Variants in CLIC5 observed in about 807,000 individuals in gnomAD.
The protein encoded by CLIC5 is CLIC family member 5, also known as chloride intracellular channel protein 5.
In CLIC5, 20 loss-of-function variants were observed where a neutral mutation model predicts 24.7. The observed-to-expected ratio is 0.81, with a 90% confidence interval of 0.57 to 1.18. The LOEUF is 1.18. Among genes scored for constraint, CLIC5 ranks in the 50% most tolerant of loss-of-function variants. The pLI is 0.00. For missense variants in CLIC5, 341 were observed against 326.1 expected (o/e 1.05, Z -0.35); for synonymous variants, 159 against 135.6 (o/e 1.17, Z -1.20).
At chr6:46,045,102 A>G (rs921887817) in intron 1 of CLIC5, among the ~76,000 whole-genome samples, 1 of 152,136 alleles carries the variant, frequency 6.6e-6, no homozygotes, top group Non-Finnish European at 1.5e-5. Flanking sequence ...GCCCTGTTGC[A>G]TTTTTAATAC....
intron 1 of CLIC5, among the ~76,000 whole-genome samples, chr6:45,963,164 G>A (rs529501639): frequency 2.0e-5 from 3 of 151,884 alleles, no homozygotes; most frequent in South Asian, 2.1e-4. Context: ...ATCTGTTTCC[G>A]GGTTAATCAA....
chr6:45,903,316 G>A, intron 5 of CLIC5, 61 bp from the exon 6 acceptor site: 2 of 1,472,450 alleles, frequency 1.4e-6, no homozygotes, highest in East Asian at 2.4e-5. Flanking sequence ...ATTAGAAAGT[G>A]TTAGTGGCCG....
chr6:46,028,592 A>G (rs917870344), intron 1 of CLIC5, among the ~76,000 whole-genome samples: 2 of 152,206 alleles, frequency 1.3e-5, no homozygotes, highest in Admixed American at 1.3e-4. Flanking sequence ...GTTATAGGTT[A>G]TAGGTGCTTC....
intron 1 of CLIC5, among the ~76,000 whole-genome samples, chr6:46,077,719 C>T (rs964935508): frequency 6.6e-6 from 1 of 151,968 alleles, no homozygotes; most frequent in African/African-American, 2.4e-5. Flanking sequence ...CACTCTATGG[C>T]CTTTCAGTTC....
intron 5 of CLIC5, among the ~76,000 whole-genome samples, chr6:45,913,530 G>T (rs1762897294): frequency 6.6e-6 from 1 of 152,218 alleles, no homozygotes; most frequent in Non-Finnish European, 1.5e-5. Flanking sequence ...CTCAGAGGCT[G>T]CAGTCACAGC....
At chr6:45,894,296 G>A (rs1464778032), downstream of CLIC5, among the ~76,000 whole-genome samples, 6 of 152,190 alleles carry the variant, frequency 3.9e-5, no homozygotes, top group Non-Finnish European at 7.3e-5. Context: ...TATCTCAAGA[G>A]CCTTACAATA....
chr6:46,051,482 G>C (rs756688229), intron 1 of CLIC5, among the ~76,000 whole-genome samples: 1 of 152,292 alleles, frequency 6.6e-6, no homozygotes, highest in Non-Finnish European at 1.5e-5. Context: ...ATAAAGTCTT[G>C]ATTTAGCTCT....
intron 5 of CLIC5, chr6:45,912,109 T>C: frequency 1.0e-6 from 1 of 986,180 alleles, no homozygotes; most frequent in African/African-American, 1.7e-5. Flanking sequence ...TGCTCTTTCA[T>C]ATGAAAACAG....
At chr6:45,935,878 C>A (rs917135866) in intron 4 of CLIC5, among the ~76,000 whole-genome samples, 4 of 152,134 alleles carry the variant, frequency 2.6e-5, no homozygotes, top group Non-Finnish European at 5.9e-5. Context: ...ACATAGCAGG[C>A]AAAAGTCTCC....
intron 1 of CLIC5, among the ~76,000 whole-genome samples, chr6:45,978,968 A>G (rs1400010597): frequency 6.6e-6 from 1 of 151,256 alleles, no homozygotes; most frequent in Non-Finnish European, 1.5e-5. Flanking sequence ...AAAAACAGAA[A>G]ATAATTATGA....
chr6:46,065,800 A>G (rs1018186529), intron 1 of CLIC5, among the ~76,000 whole-genome samples: 9 of 152,156 alleles, frequency 5.9e-5, no homozygotes, highest in African/African-American at 2.2e-4. Flanking sequence ...GAGCCTTTTG[A>G]GGTGATGGGA....
chr6:45,890,323 TC>T (rs766149947), intron 6 of CLIC5, among the ~76,000 whole-genome samples: 157 of 152,180 alleles, frequency 1.0e-3, no homozygotes, highest in Non-Finnish European at 1.7e-3. Flanking sequence ...ATGCTCAACA[TC>T]TATAATTATC....
chr6:46,043,857 A>G (rs998214124), intron 1 of CLIC5, among the ~76,000 whole-genome samples: 5 of 152,196 alleles, frequency 3.3e-5, no homozygotes, highest in Non-Finnish European at 7.3e-5. Flanking sequence ...TAACTTGCAG[A>G]GGGCAGCAGA....
At chr6:46,089,483 T>C in the CLIC5 span, among the ~76,000 whole-genome samples, 23 of 152,244 alleles carry the variant, frequency 1.5e-4, no homozygotes, top group African/African-American at 5.3e-4. Context: ...GTCCATGAAC[T>C]CTCAGAAATG....
At chr6:45,991,181 T>C (rs1055234344) in intron 1 of CLIC5, among the ~76,000 whole-genome samples, 2 of 152,236 alleles carry the variant, frequency 1.3e-5, no homozygotes, top group Non-Finnish European at 2.9e-5. Context: ...TTTCTGCAGA[T>C]GTTATCAAGG....
At chr6:45,958,276 C>A (rs12211807) in intron 1 of CLIC5, among the ~76,000 whole-genome samples, 126,926 of 150,856 alleles carry the variant, frequency 0.84, 53,991 homozygotes, top group Non-Finnish European at 0.9. Flanking sequence ...CTAGAAGAGA[C>A]AAGTAGAGCC....
intron 1 of CLIC5, among the ~76,000 whole-genome samples, chr6:46,039,584 TAAAG>T (rs1767751940): frequency 6.6e-6 from 1 of 152,028 alleles, no homozygotes; most frequent in African/African-American, 2.4e-5. Context: ...TATTTTCAAT[TAAAG>T]AAGAAAAAAC....
the CLIC5 span, among the ~76,000 whole-genome samples, chr6:46,126,488 G>A: frequency 6.6e-6 from 1 of 151,906 alleles, no homozygotes; most frequent in Non-Finnish European, 1.5e-5. Context: ...GGTTAATACA[G>A]AATCATTTTT....
chr6:46,015,739 G>T lies in CLIC5; in HGVS notation c.-197C>A, dbSNP rs1766980559. On this transcript the variant is annotated 5_prime_UTR_variant, in exon 1 of 6. Coordinates refer to ENST00000339561, the MANE Select transcript of CLIC5 (RefSeq NM_016929.5). ...AGTGTCCCAGATGCTCACATGAAAAGGAGCGAAGCCGGGAGGAGGCGGGGG... is the reference window on the plus strand; with the variant it reads ...AGTGTCCCAGATGCTCACATGAAAATGAGCGAAGCCGGGAGGAGGCGGGGG... 8.1e-7 allele frequency: 1 copy of T among 1,240,752 alleles called. No homozygotes were observed. Among genetic ancestry groups the T allele is most frequent in the African/African-American group, 1.6e-5 (1 of 64,480 alleles). 76.9% of individuals were successfully genotyped at this position (1,240,752 alleles called of 1,614,324 possible).
Sources: allele counts gnomAD v4.1 joint callset (sites outside exome capture counted in the v4.1 genomes callset), GRCh38; gene constraint gnomAD v4.1.1; transcripts MANE v1.5; gene names NCBI Gene and HGNC (gene_info 2026-07-23, HGNC 2026-07-21).